The following MBIP variants were observed in gnomAD, a reference collection of about 807,000 sequenced individuals.
MBIP encodes MAP3K12-binding inhibitory protein 1.
Under a neutral mutation model 45.7 loss-of-function variants are expected in MBIP, and 32 were observed. That is an observed-to-expected ratio of 0.70 (90% confidence interval 0.53 to 0.94). MBIP has a LOEUF of 0.94. Ranked by LOEUF, MBIP falls within the 40% of genes least tolerant of loss-of-function variation. The pLI, the probability that MBIP is intolerant of heterozygous loss-of-function variation, is 0.00. For synonymous variants in MBIP, 145 were observed against 141.0 expected, an observed-to-expected ratio of 1.03 and a Z score of -0.20; for missense variants, 381 against 405.5, an observed-to-expected ratio of 0.94 and a Z score of 0.52.
At chr14:36,299,504 T>A (rs1879409608) in intron 8 of MBIP, among the ~76,000 whole-genome samples, 1 of 150,592 alleles carries the variant, frequency 6.6e-6, no homozygotes, top group East Asian at 1.9e-4. Context: ...GGAGCCTATT[T>A]GAAGATGGGA....
Position 36,320,607 on chromosome 14 carries a change from CCCACCA to C in MBIP, c.-25_-20del. On this transcript the variant is annotated 5_prime_UTR_variant, in exon 1 of 9. Coordinates refer to ENST00000416007, the MANE Select transcript of MBIP (RefSeq NM_016586.3). ...CAGCCATGATATCTTCTCAGGCCGC[CCCACCA>C]CCACCACCACCAAGATTTGCTCACA... 4 of 1,548,922 alleles carry C rather than the reference CCCACCA, an allele frequency of 2.6e-6. No homozygotes were observed. The highest frequency in any genetic ancestry group is 1.2e-5 in the South Asian group (1 of 85,036).
chr14:36,300,949 C>T, intron 7 of MBIP, 126 bp from the exon 8 acceptor site: 1 of 565,562 alleles, frequency 1.8e-6, no homozygotes, highest in Non-Finnish European at 3.1e-6. Flanking sequence ...ACCAATTTAC[C>T]AATACCAATT....
intron 6 of MBIP, among the ~76,000 whole-genome samples, chr14:36,308,708 CCACT>C (rs1295756710): frequency 6.6e-6 from 1 of 152,042 alleles, no homozygotes; most frequent in African/African-American, 2.4e-5. Context: ...TAAATTATGG[CCACT>C]CAAATTTTAA....
chr14:36,302,143 G>A (rs933155162), intron 7 of MBIP, among the ~76,000 whole-genome samples: 11 of 152,208 alleles, frequency 7.2e-5, no homozygotes, highest in African/African-American at 1.2e-4. Flanking sequence ...TTAATTTGGC[G>A]ATTGATCAGT....
In MBIP at chr14:36,316,933, TTAA is replaced by T. The variant is rs1042631810; in HGVS notation, c.130-124_130-122del. ...TATTTTGCTCTAAGTTATCAAGTTT[TTAA>T]TAATACACTGAAATGCTCTACCCAG... On this transcript the variant is annotated intron_variant, in intron 1 of 8. Transcript: ENST00000416007. 60 of 953,922 alleles carry T rather than the reference TTAA, an allele frequency of 6.3e-5. No homozygotes were observed. The African/African-American group carries it at 9.3e-4, about 15-fold the overall frequency. 59.1% of individuals were successfully genotyped at this position (953,922 alleles called of 1,614,324 possible).
At chr14:36,308,514 T>C (rs1210306043) in intron 6 of MBIP, among the ~76,000 whole-genome samples, 1 of 152,210 alleles carries the variant, frequency 6.6e-6, no homozygotes, top group Non-Finnish European at 1.5e-5. Context: ...GATAGTTACA[T>C]GGGAGGACAA....
chr14:36,314,864 C>T lies in MBIP; in HGVS notation c.301G>A (p.Val101Ile). ...SPIKEENTTA[V>I]EEIGRTEMGN... is the part of the protein sequence containing the mutation. ...ATTTCTGTTCTTCCTATCTCTTCAA[C>T]AGCAGTTGTATTCTCCTCTTTAATC... The change falls in exon 3 of 9, where the codon GTT becomes ATT. Residue 101 changes from valine to isoleucine, a missense_variant. By Grantham distance (29) the Val-to-Ile change is conservative. Transcript: ENST00000416007. 1 of 1,613,508 alleles carries T rather than the reference C, an allele frequency of 6.2e-7. No individual in the cohort carries two copies. The highest frequency in any genetic ancestry group is 1.7e-5 in the Admixed American group (1 of 59,932).
chr14:36,316,949 A>G (rs1880611378), intron 1 of MBIP, 137 bp from the exon 2 acceptor site: 1 of 806,608 alleles, frequency 1.2e-6, no homozygotes, highest in Non-Finnish European at 1.9e-6. Flanking sequence ...ATACACTGAA[A>G]TGCTCTACCC....
chr14:36,310,494 A>G (rs561234249), intron 6 of MBIP, among the ~76,000 whole-genome samples: 3 of 152,338 alleles, frequency 2.0e-5, no homozygotes, highest in South Asian at 2.1e-4. Context: ...CCCTCCGTAC[A>G]TACATCTGCA....
At chr14:36,318,694 T>TA (rs1489857112) in intron 1 of MBIP, among the ~76,000 whole-genome samples, 1 of 151,980 alleles carries the variant, frequency 6.6e-6, no homozygotes, top group African/African-American at 2.4e-5. Context: ...TGATCTTAAG[T>TA]AAAAAATTAT....
chr14:36,310,697 T>C lies in MBIP; in HGVS notation c.790+876A>G, dbSNP rs556672313. On this transcript the variant is annotated intron_variant, in intron 6 of 8. Coordinates refer to ENST00000416007, the MANE Select transcript of MBIP (RefSeq NM_016586.3). ...GGGGAGCAGGGAATACCAGGTGCTA[T>C]ATAAGATTATACAAAAGGTGAATCT... Among the ~76,000 whole-genome samples the C allele has an allele frequency of 5.9e-4, 90 of 152,292 alleles. No individual in the cohort carries two copies. The South Asian group carries it at 0.018, about 31-fold the overall frequency.
At chr14:36,312,095 T>A in intron 4 of MBIP, 71 bp from the exon 5 acceptor site, 1 of 789,440 alleles carries the variant, frequency 1.3e-6, no homozygotes, top group South Asian at 2.3e-5. Flanking sequence ...TTTAATAAAC[T>A]TTCAATAATT....
intron 2 of MBIP, among the ~76,000 whole-genome samples, chr14:36,315,124 ATTTG>A (rs1359008261): frequency 1.3e-5 from 2 of 152,108 alleles, no homozygotes; most frequent in Non-Finnish European, 2.9e-5. Context: ...TTTGCTATAA[ATTTG>A]TTTTTTAAAA....
At chr14:36,306,969 A>G (rs1200916523) in intron 7 of MBIP, among the ~76,000 whole-genome samples, 1 of 152,248 alleles carries the variant, frequency 6.6e-6, no homozygotes, top group African/African-American at 2.4e-5. Flanking sequence ...TTATACAGCT[A>G]CTTTGTAGTT....
At chr14:36,309,813 G>A (rs1880095398) in intron 6 of MBIP, among the ~76,000 whole-genome samples, 1 of 152,088 alleles carries the variant, frequency 6.6e-6, no homozygotes, top group East Asian at 1.9e-4. Context: ...GTGCTCCTGA[G>A]TTTTTTGGGA....
Position 36,305,942 on chromosome 14 carries a change from C to T in MBIP, c.888+2150G>A, listed in dbSNP as rs1053119129. On this transcript the variant is annotated intron_variant, in intron 7 of 8. Coordinates refer to ENST00000416007, the MANE Select transcript of MBIP (RefSeq NM_016586.3). ...CTCATGTCCCTATTTTAGGAACTAACTTCACATCTAAGCTAGCATAATACT... is the reference window on the plus strand; with the variant it reads ...CTCATGTCCCTATTTTAGGAACTAATTTCACATCTAAGCTAGCATAATACT... Among the ~76,000 whole-genome samples, 5 of 152,200 alleles carry T rather than the reference C, an allele frequency of 3.3e-5. No individual in the cohort carries two copies. In the East Asian group the frequency reaches 7.7e-4, roughly 24 times the overall value.
intron 8 of MBIP, among the ~76,000 whole-genome samples, chr14:36,299,959 G>A (rs866600693): frequency 2.6e-5 from 4 of 152,114 alleles, no homozygotes; most frequent in South Asian, 4.2e-4. Context: ...CAGGGTTTTG[G>A]GGGGGCAGTG....
intron 1 of MBIP, among the ~76,000 whole-genome samples, chr14:36,319,337 T>C (rs1880751591): frequency 6.6e-6 from 1 of 152,174 alleles, no homozygotes; most frequent in South Asian, 2.1e-4. Flanking sequence ...ACCCCAAGTC[T>C]TTAAAAAATG....
intron 7 of MBIP, among the ~76,000 whole-genome samples, chr14:36,306,171 C>G (rs1410347302): frequency 6.6e-6 from 1 of 152,100 alleles, no homozygotes; most frequent in Admixed American, 6.5e-5. Context: ...TTTACCCACT[C>G]TATCCTATCT....
Sources: gnomAD v4.1 joint callset for allele counts (sites outside exome capture counted in the v4.1 genomes callset) on GRCh38, gnomAD v4.1.1 for gene constraint, MANE v1.5 for transcripts, NCBI Gene and HGNC (gene_info 2026-07-23, HGNC 2026-07-21) for gene names.